Variants in PRKN observed in about 807,000 individuals in gnomAD.
PRKN encodes parkin RBR E3 ubiquitin protein ligase.
Under a neutral mutation model 59.5 loss-of-function variants are expected in PRKN, and 56 were observed. The ratio of observed to expected loss-of-function variants is 0.94; its 90% CI spans 0.76 to 1.18. The LOEUF is 1.18. PRKN is among the 50% of genes most tolerant of loss of function. The pLI is 0.00. For synonymous variants in PRKN, 250 were observed against 222.1 expected (o/e 1.13, Z -1.12); for missense variants, 657 against 596.4 (o/e 1.10, Z -1.06).
intron 2 of PRKN, among the ~76,000 whole-genome samples, chr6:162,436,604 C>T (rs528080370): frequency 1.4e-5 from 2 of 142,222 alleles, no homozygotes; most frequent in South Asian, 2.3e-4. Context: ...GCCACTGTGC[C>T]CGATCTGGCT....
chr6:161,635,188 G>T (rs528593498), intron 7 of PRKN, among the ~76,000 whole-genome samples: 8 of 152,284 alleles, frequency 5.3e-5, no homozygotes, highest in Middle Eastern at 3.4e-3. Context: ...TAGATTTCTG[G>T]TTTCTAATCC....
intron 2 of PRKN, among the ~76,000 whole-genome samples, chr6:162,398,270 ATCAACT>A (rs1787575703): frequency 6.6e-6 from 1 of 152,166 alleles, no homozygotes; most frequent in African/African-American, 2.4e-5. Flanking sequence ...GCTTTATAAC[ATCAACT>A]TCATTTTTCC....
At chr6:161,350,304 T>C (rs996570807) in intron 11 of PRKN, 93 bp from the exon 12 acceptor site, 20 of 813,182 alleles carry the variant, frequency 2.5e-5, no homozygotes, top group Non-Finnish European at 3.6e-5. Flanking sequence ...TAGACATCAC[T>C]TTCTGAGCGA....
intron 1 of PRKN, among the ~76,000 whole-genome samples, chr6:162,630,847 T>C (rs1783085047): frequency 6.6e-6 from 1 of 152,106 alleles, no homozygotes; most frequent in African/African-American, 2.4e-5. Context: ...ATAATAAACT[T>C]TGCAACCAGA....
intron 7 of PRKN, chr6:161,783,594 T>G (rs926645092): frequency 2.1e-6 from 1 of 487,018 alleles, no homozygotes; most frequent in African/African-American, 2.0e-5. Context: ...AATGAACTGA[T>G]AACTAAAAAG....
rs549304204 is a variant in PRKN, at chr6:162,194,384, G to A, written c.534+6747C>T. Among the ~76,000 whole-genome samples, 51 of 152,258 alleles carry A rather than the reference G, an allele frequency of 3.3e-4. No homozygotes were observed. The South Asian group carries it at 0.01, about 31-fold the overall frequency. On this transcript the variant is annotated intron_variant, in intron 4 of 11. Transcript: ENST00000366898. ...GGTAAAAATCAGCAAAATAGTAAGT[G>A]AGAAAATTCAATGGTATCCATATGA...
chr6:162,040,576 T>TG, intron 5 of PRKN, among the ~76,000 whole-genome samples: 1 of 148,602 alleles, frequency 6.7e-6, no homozygotes, highest in East Asian at 2.0e-4. Context: ...CCGGCTATTT[T>TG]TTTTTTTTTT....
intron 7 of PRKN, among the ~76,000 whole-genome samples, chr6:161,745,086 T>G (rs1212086111): frequency 6.6e-6 from 1 of 152,192 alleles, no homozygotes; most frequent in African/African-American, 2.4e-5. Flanking sequence ...AGAGCTCAGA[T>G]TTTTAATGCT....
chr6:161,404,645 C>A (rs1583025567), intron 9 of PRKN, among the ~76,000 whole-genome samples: 1 of 152,310 alleles, frequency 6.6e-6, no homozygotes, highest in South Asian at 2.1e-4. Flanking sequence ...TGTAAGAATT[C>A]ATTTCTATGG....
rs866235305 is a variant in PRKN, at chr6:161,361,702, A to C, written c.1168-1497T>G. 1.3e-5 allele frequency among the ~76,000 whole-genome samples: 2 copies of C among 152,180 alleles called. No homozygotes were observed. Among genetic ancestry groups the C allele is most frequent in the Non-Finnish European group, 2.9e-5 (2 of 68,020 alleles). On this transcript the variant is annotated intron_variant, in intron 10 of 11. Coordinates refer to ENST00000366898, the MANE Select transcript of PRKN (RefSeq NM_004562.3). This position sits in a 1 kb window ranked among gnomAD's most constrained non-coding sequence, Gnocchi z 5.2. The stretch of plus-strand genomic sequence containing the variant: ...TAATGAGCCATCATGGGCACAAAGG[A>C]AACACCCTTGAGAACTGCCAGGGTG...
At chr6:162,439,584 G>A (rs769264002) in intron 2 of PRKN, among the ~76,000 whole-genome samples, 6 of 151,882 alleles carry the variant, frequency 4.0e-5, no homozygotes, top group African/African-American at 1.2e-4. Flanking sequence ...CTTGTACAGC[G>A]GACCCTTGAA....
intron 2 of PRKN, among the ~76,000 whole-genome samples, chr6:162,326,249 A>T (rs1324515000): frequency 1.3e-5 from 2 of 152,158 alleles, no homozygotes; most frequent in African/African-American, 4.8e-5. Context: ...AAGTAGAAAG[A>T]ATTTTTGAAG....
At chr6:162,173,870 G>A (rs1339764571) in intron 4 of PRKN, among the ~76,000 whole-genome samples, 1 of 152,170 alleles carries the variant, frequency 6.6e-6, no homozygotes. Flanking sequence ...TGCTTGGCTG[G>A]AGCAAATGTT....
intron 2 of PRKN, among the ~76,000 whole-genome samples, chr6:162,340,798 C>T (rs979738877): frequency 3.3e-5 from 5 of 152,108 alleles, no homozygotes; most frequent in African/African-American, 9.7e-5. Context: ...AACGTTAAGA[C>T]CTAAAATCAT....
At chr6:161,716,187 G>A in intron 7 of PRKN, 1 of 814,536 alleles carries the variant, frequency 1.2e-6, no homozygotes, top group South Asian at 1.4e-5. Flanking sequence ...CAGCAACCTT[G>A]TATCTGATGC....
intron 1 of PRKN, among the ~76,000 whole-genome samples, chr6:162,636,442 C>T (rs977347723): frequency 7.7e-4 from 117 of 152,248 alleles, no homozygotes; most frequent in African/African-American, 2.6e-3. Flanking sequence ...TCCCATTTTA[C>T]AAATGAAGAA....
rs1436725653 is a variant in PRKN at position 162,466,190 on chromosome 6, A to G, written c.8-22717T>C. On this transcript the variant is annotated intron_variant, in intron 1 of 11. Coordinates refer to ENST00000366898, the MANE Select transcript of PRKN (RefSeq NM_004562.3). ...AAGTTTATGCATGTATTGAGGAGGC[A>G]ATAGCTGTGATAAATTACTTCAAGA... 1.3e-5 allele frequency among the ~76,000 whole-genome samples: 2 copies of G among 152,206 alleles called. 1 individual carries two copies. The highest frequency in any genetic ancestry group is 4.1e-4 in the South Asian group (2 of 4,828).
chr6:161,568,408 AC>A (rs1780733907), intron 8 of PRKN, among the ~76,000 whole-genome samples: 1 of 152,182 alleles, frequency 6.6e-6, no homozygotes, highest in African/African-American at 2.4e-5. Flanking sequence ...CCTGGCTAAC[AC>A]GGTGAAACTC....
chr6:162,663,407 G>GAA (rs879312066), intron 1 of PRKN, among the ~76,000 whole-genome samples: 1 of 135,784 alleles, frequency 7.4e-6, no homozygotes. Flanking sequence ...AACTGAACAG[G>GAA]AAAAAAAAAA....
Sources: allele counts gnomAD v4.1 joint callset (sites outside exome capture counted in the v4.1 genomes callset), GRCh38; gene constraint gnomAD v4.1.1; non-coding constraint Gnocchi (gnomAD v3.1); transcripts MANE v1.5; gene names NCBI Gene and HGNC (gene_info 2026-07-23, HGNC 2026-07-21).